PCBD2: variants seen among roughly 807,000 people sequenced by gnomAD.
PCBD2 encodes pterin-4-alpha-carbinolamine dehydratase 2.
A neutral mutation model predicts 16.4 loss-of-function variants in PCBD2; 12 were observed. The observed-to-expected ratio is 0.73, with a 90% CI of 0.47 to 1.19. The LOEUF (loss-of-function observed/expected upper bound fraction) is 1.19. PCBD2 is among the 50% of genes most tolerant of loss of function. The probability of loss-of-function intolerance (pLI) is 0.00; values close to 1 mark genes in which losing one functional copy is unlikely to be tolerated. For missense variants in PCBD2, 138 were observed against 156.8 expected (o/e 0.88, Z 0.64); for synonymous variants, 58 against 61.8 (o/e 0.94, Z 0.29).
chr5:134,942,975 T>C (rs957409809), intron 2 of PCBD2, among the ~76,000 whole-genome samples: 2 of 152,206 alleles, frequency 1.3e-5, no homozygotes, highest in African/African-American at 4.8e-5. Flanking sequence ...ATTTATTAAT[T>C]TCCTTATTGA....
At chr5:134,931,450 G>A (rs1234149944) in intron 2 of PCBD2, among the ~76,000 whole-genome samples, 8 of 152,118 alleles carry the variant, frequency 5.3e-5, no homozygotes, top group Non-Finnish European at 2.9e-5. Flanking sequence ...AGTGTCTATT[G>A]GGTATAGTAG....
At chr5:134,932,993 GTAAA>G (rs764471728) in intron 2 of PCBD2, among the ~76,000 whole-genome samples, 1 of 152,056 alleles carries the variant, frequency 6.6e-6, no homozygotes, top group African/African-American at 2.4e-5. Flanking sequence ...TGTTCAGCTG[GTAAA>G]TAAATTTTTT....
chr5:134,922,911 C>T (rs187856100), intron 2 of PCBD2, among the ~76,000 whole-genome samples: 56 of 152,206 alleles, frequency 3.7e-4, no homozygotes, highest in Admixed American at 1.1e-3. Context: ...CTCCTGACCT[C>T]GTGATCCACC....
intron 2 of PCBD2, among the ~76,000 whole-genome samples, chr5:134,917,034 A>G (rs889202451): frequency 1.2e-4 from 19 of 152,254 alleles, no homozygotes; most frequent in African/African-American, 4.3e-4. Context: ...CAAGTGACAT[A>G]TAAACTTAGG....
At chr5:134,954,052 G>T (rs1271985471) in intron 2 of PCBD2, among the ~76,000 whole-genome samples, 1 of 151,978 alleles carries the variant, frequency 6.6e-6, no homozygotes, top group Non-Finnish European at 1.5e-5. Context: ...CAGATTCCTG[G>T]GCTCGACGGA....
chr5:134,907,921 C>CTTTTT (rs1187907367), intron 1 of PCBD2, among the ~76,000 whole-genome samples: 1 of 122,088 alleles, frequency 8.2e-6, no homozygotes, highest in Non-Finnish European at 1.8e-5. Context: ...CACGCCCGGA[C>CTTTTT]TTTTTTTTTT....
At chr5:134,924,276 G>T in intron 2 of PCBD2, 1 of 394,964 alleles carries the variant, frequency 2.5e-6, no homozygotes, top group South Asian at 1.3e-4. Flanking sequence ...AGGTTACATG[G>T]GTTTAATGGT....
intron 2 of PCBD2, among the ~76,000 whole-genome samples, chr5:134,919,643 G>A (rs319589): frequency 0.63 from 95,620 of 152,060 alleles, 30,380 homozygotes; most frequent in African/African-American, 0.73. Flanking sequence ...TTAGGAAATT[G>A]CTGAGGCATT....
chr5:134,917,309 T>A (rs1750845183), intron 2 of PCBD2, among the ~76,000 whole-genome samples: 1 of 152,248 alleles, frequency 6.6e-6, no homozygotes, highest in Admixed American at 6.5e-5. Context: ...CACCCCTTTC[T>A]GCCCCCCAGA....
chr5:134,910,597 A>G, intron 2 of PCBD2, 131 bp downstream of exon 2: 2 of 1,139,784 alleles, frequency 1.8e-6, no homozygotes, highest in Non-Finnish European at 2.5e-6. Flanking sequence ...TTAAGAATTC[A>G]GTGATAGAGT....
intron 2 of PCBD2, among the ~76,000 whole-genome samples, chr5:134,918,976 A>G (rs1750867635): frequency 6.6e-6 from 1 of 152,214 alleles, no homozygotes; most frequent in Non-Finnish European, 1.5e-5. Context: ...CATGCAACAG[A>G]TAGATGAGGA....
chr5:134,950,099 C>T (rs1370308735), intron 2 of PCBD2, among the ~76,000 whole-genome samples: 1 of 152,124 alleles, frequency 6.6e-6, no homozygotes, highest in African/African-American at 2.4e-5. Flanking sequence ...AATATCATTT[C>T]CTTCCATAGC....
At chr5:134,939,900 A>G (rs1279129115) in intron 2 of PCBD2, among the ~76,000 whole-genome samples, 1 of 152,066 alleles carries the variant, frequency 6.6e-6, no homozygotes, top group Admixed American at 6.5e-5. Context: ...AATTGCTGGC[A>G]TAAGGAGACC....
chr5:134,933,815 C>T (rs908673995), intron 2 of PCBD2, among the ~76,000 whole-genome samples: 2 of 152,104 alleles, frequency 1.3e-5, no homozygotes, highest in African/African-American at 2.4e-5. Context: ...GAAATCATCA[C>T]CTAGATAGAA....
chr5:134,915,436 ATTTTTTTTTTTTTTT>A (rs760173801), intron 2 of PCBD2, among the ~76,000 whole-genome samples: 5 of 114,220 alleles, frequency 4.4e-5, no homozygotes, highest in Non-Finnish European at 9.1e-5. Context: ...TGGGCCTCTA[ATTTTTTTTTTTTTTT>A]TTTTTTTTTT....
At chr5:134,959,243 A>T (rs1033939645) in intron 3 of PCBD2, 123 bp downstream of exon 3, 4 of 686,930 alleles carry the variant, frequency 5.8e-6, no homozygotes, top group Non-Finnish European at 9.5e-6. Context: ...TTTCTCTCAG[A>T]ATCCCTGTGT....
At position 134,915,053 on chromosome 5, in the gene PCBD2, A is replaced by T. The variant is rs1750812063; in HGVS notation, c.216+4587A>T. On this transcript the variant is annotated intron_variant, in intron 2 of 3. Coordinates refer to ENST00000254908, the MANE Select transcript of PCBD2 (RefSeq NM_032151.5). ...ATACCAGAGCCGGGCGCGGTGGCTC[A>T]CATCTGTAATCCCAGCACTTTGGGA... is the stretch of plus-strand genomic sequence containing the variant. 4.6e-5 allele frequency among the ~76,000 whole-genome samples: 7 copies of T among 152,186 alleles called. No individual in the cohort carries two copies. The South Asian group carries it at 1.4e-3, about 31-fold the overall frequency.
intron 2 of PCBD2, chr5:134,923,875 C>G: frequency 2.5e-6 from 1 of 394,346 alleles, no homozygotes; most frequent in Non-Finnish European, 4.5e-6. Context: ...GCGGTTGAAG[C>G]GTCTGGTGAG....
chr5:134,947,088 A>G (rs1229808592), intron 2 of PCBD2, among the ~76,000 whole-genome samples: 1 of 152,028 alleles, frequency 6.6e-6, no homozygotes, highest in Non-Finnish European at 1.5e-5. Context: ...TGCTATTAAA[A>G]AAAAAAATTT....
Sources: gnomAD v4.1 joint callset for allele counts (sites outside exome capture counted in the v4.1 genomes callset) on GRCh38, gnomAD v4.1.1 for gene constraint, MANE v1.5 for transcripts, NCBI Gene and HGNC (gene_info 2026-07-23, HGNC 2026-07-21) for gene names.